PRKN: variants seen among roughly 807,000 people sequenced by gnomAD.
PRKN encodes the protein parkin RBR E3 ubiquitin protein ligase, also known as E3 ubiquitin-protein ligase parkin.
PRKN carries 56 observed loss-of-function variants against 59.5 expected under a neutral mutation model. That is an observed-to-expected ratio of 0.94 (90% CI 0.76 to 1.18). The LOEUF is 1.18. Ranked by LOEUF, PRKN falls within the 50% of genes most tolerant of loss-of-function variation. The pLI is 0.00. For missense variants in PRKN, 657 were observed against 596.4 expected (o/e 1.10, Z -1.06); for synonymous variants, 250 against 222.1 (o/e 1.13, Z -1.12).
At chr6:161,935,406 T>C (rs1445734022) in intron 6 of PRKN, among the ~76,000 whole-genome samples, 1 of 151,816 alleles carries the variant, frequency 6.6e-6, no homozygotes, top group Non-Finnish European at 1.5e-5. Context: ...TACAAAAAAT[T>C]ACCCAGGTGT....
intron 7 of PRKN, among the ~76,000 whole-genome samples, chr6:161,722,944 C>G (rs545405036): frequency 2.6e-5 from 4 of 152,262 alleles, no homozygotes; most frequent in East Asian, 3.9e-4. Flanking sequence ...TTCTCCCATT[C>G]TCCTAAAAAG....
At chr6:162,218,417 C>A (rs1777794423) in intron 3 of PRKN, among the ~76,000 whole-genome samples, 1 of 152,104 alleles carries the variant, frequency 6.6e-6, no homozygotes, top group Admixed American at 6.5e-5. Context: ...AGGGCAGAAC[C>A]CTGAGGTGTG....
chr6:161,897,966 C>CA lies in PRKN; in HGVS notation c.734+75335dup, dbSNP rs55714271. On this transcript the variant is annotated intron_variant, in intron 6 of 11. Coordinates refer to ENST00000366898, the MANE Select transcript of PRKN (RefSeq NM_004562.3). ...TGGGTGACAGAGCGAGACTCCGTCT[C>CA]AAAAAAAAAAAAAAAAAAGTCTCCC... 1.6e-3 allele frequency among the ~76,000 whole-genome samples: 62 copies of CA among 38,298 alleles called. 5 individuals carry two copies. Among genetic ancestry groups the CA allele is most frequent in the Middle Eastern group, 0.011 (1 of 88 alleles). 25.1% of individuals were successfully genotyped at this position (38,298 alleles called of 152,430 possible).
chr6:161,943,771 A>G (rs1173219181), intron 6 of PRKN, among the ~76,000 whole-genome samples: 1 of 151,192 alleles, frequency 6.6e-6, no homozygotes, highest in Non-Finnish European at 1.5e-5. Context: ...CTGAGGGATC[A>G]GCCTAAGGAA....
chr6:162,575,225 C>T (rs999517302), intron 1 of PRKN, among the ~76,000 whole-genome samples: 20 of 152,108 alleles, frequency 1.3e-4, no homozygotes, highest in African/African-American at 4.3e-4. Flanking sequence ...TTGGAGAAAG[C>T]GATGTCTTCT....
chr6:161,455,654 A>C lies in PRKN; in HGVS notation c.1084-68777T>G, dbSNP rs1789934733. ...GCTGACGCGGGCAGATCACAAGGTC[A>C]GGAGACCGAGACCATCTTGGCCAAC... On this transcript the variant is annotated intron_variant, in intron 9 of 11. Coordinates refer to ENST00000366898, the MANE Select transcript of PRKN (RefSeq NM_004562.3). 3.3e-5 allele frequency among the ~76,000 whole-genome samples: 5 copies of C among 152,030 alleles called. No homozygotes were observed. In the South Asian group the frequency reaches 1.0e-3, roughly 32 times the overall value.
chr6:162,347,502 A>T (rs889189785), intron 2 of PRKN, among the ~76,000 whole-genome samples: 1 of 152,102 alleles, frequency 6.6e-6, no homozygotes, highest in Non-Finnish European at 1.5e-5. Context: ...AATACTGGGT[A>T]TAAGAAATTA....
At chr6:162,666,691 T>TTAAATAGAA (rs1287304529) in intron 1 of PRKN, among the ~76,000 whole-genome samples, 3 of 152,152 alleles carry the variant, frequency 2.0e-5, no homozygotes, top group Non-Finnish European at 4.4e-5. Flanking sequence ...TGTCAAGGTT[T>TTAAATAGAA]AAAAATAGAA....
intron 2 of PRKN, among the ~76,000 whole-genome samples, chr6:162,286,096 C>G (rs2128107720): frequency 6.6e-6 from 1 of 152,236 alleles, no homozygotes; most frequent in Middle Eastern, 3.4e-3. Flanking sequence ...CTAGAGATTA[C>G]TCTGCACAGC....
chr6:161,680,330 T>A (rs1785269803), intron 7 of PRKN, among the ~76,000 whole-genome samples: 1 of 152,230 alleles, frequency 6.6e-6, no homozygotes, highest in Middle Eastern at 3.4e-3. Context: ...CACGCCTTAA[T>A]AAACAAATAA....
intron 4 of PRKN, among the ~76,000 whole-genome samples, chr6:162,186,463 G>A (rs201061141): frequency 4.4e-5 from 1 of 22,578 alleles, no homozygotes; most frequent in Non-Finnish European, 9.1e-5. Context: ...TTGAAGGTGA[G>A]ATAATGTTTG....
intron 7 of PRKN, among the ~76,000 whole-genome samples, chr6:161,612,946 A>G (rs2128147452): frequency 6.6e-6 from 1 of 152,296 alleles, no homozygotes; most frequent in Admixed American, 6.5e-5. Flanking sequence ...GGAGATGTCC[A>G]AGGAGGTGAA....
chr6:161,840,124 C>A (rs1010180425), intron 6 of PRKN, among the ~76,000 whole-genome samples: 2 of 152,216 alleles, frequency 1.3e-5, no homozygotes, highest in African/African-American at 2.4e-5. Flanking sequence ...ACAAAGACCA[C>A]CAGCACTGCT....
Position 161,444,951 on chromosome 6 carries a change from C to T in PRKN, c.1084-58074G>A, listed in dbSNP as rs1001409053. On this transcript the variant is annotated intron_variant, in intron 9 of 11. Transcript: ENST00000366898. This position sits in a 1 kb window ranked among gnomAD's most constrained non-coding sequence, Gnocchi z 5.6. ...TCTCCAGTCTTCATTTTCATTTATCCTTAGCATGGTCTTTTCTAAAAAGGG... is the reference window on the plus strand; with the variant it reads ...TCTCCAGTCTTCATTTTCATTTATCTTTAGCATGGTCTTTTCTAAAAAGGG... Among the ~76,000 whole-genome samples, 1 of 151,976 alleles carries T rather than the reference C, an allele frequency of 6.6e-6. No individual in the cohort carries two copies. The highest frequency in any genetic ancestry group is 2.4e-5 in the African/African-American group (1 of 41,354).
chr6:161,977,798 T>C (rs539617186), intron 5 of PRKN, among the ~76,000 whole-genome samples: 3 of 151,812 alleles, frequency 2.0e-5, no homozygotes, highest in East Asian at 3.9e-4. Flanking sequence ...CTGCCCACCT[T>C]GGCCTCCCAA....
intron 5 of PRKN, 53 bp downstream of exon 5, chr6:162,054,037 GA>G: frequency 8.9e-7 from 1 of 1,129,734 alleles, no homozygotes; most frequent in Non-Finnish European, 1.4e-6. Flanking sequence ...GGCAAACAGT[GA>G]AGATGTCATC....
intron 2 of PRKN, among the ~76,000 whole-genome samples, chr6:162,337,789 T>TA (rs1449183517): frequency 1.3e-5 from 2 of 151,862 alleles, no homozygotes; most frequent in Non-Finnish European, 2.9e-5. Context: ...CCAGGAAAAA[T>TA]GAAACAGATG....
chr6:161,431,121 A>T (rs1453076840), intron 9 of PRKN, among the ~76,000 whole-genome samples: 1 of 138,452 alleles, frequency 7.2e-6, no homozygotes, highest in Non-Finnish European at 1.5e-5. Context: ...CCTGGGCAAC[A>T]GAGCGAGACT....
At chr6:161,509,750 C>G (rs187568347) in intron 9 of PRKN, among the ~76,000 whole-genome samples, 1 of 151,626 alleles carries the variant, frequency 6.6e-6, no homozygotes, top group East Asian at 1.9e-4. Context: ...TGTGGTGGTG[C>G]GCGCCTGTAA....
Sources: allele counts gnomAD v4.1 joint callset (sites outside exome capture counted in the v4.1 genomes callset), GRCh38; gene constraint gnomAD v4.1.1; non-coding constraint Gnocchi (gnomAD v3.1); transcripts MANE v1.5; gene names NCBI Gene and HGNC (gene_info 2026-07-23, HGNC 2026-07-21).